Variants in CHKA observed in about 807,000 individuals in gnomAD.
CHKA encodes CHETK-alpha.
A neutral mutation model predicts 60.1 loss-of-function variants in CHKA; 34 were observed. The observed-to-expected ratio is 0.57, with a 90% CI of 0.43 to 0.75. CHKA has a LOEUF of 0.75. Ranked by LOEUF, CHKA falls within the 30% of genes least tolerant of loss-of-function variation. CHKA has a pLI of 0.00. For missense variants in CHKA, 563 were observed against 561.3 expected (o/e 1.00, Z -0.03); for synonymous variants, 217 against 223.1 (o/e 0.97, Z 0.24).
chr11:68,084,304 G>A (rs1487158514), intron 2 of CHKA, among the ~76,000 whole-genome samples: 1 of 139,752 alleles, frequency 7.2e-6, no homozygotes, highest in African/African-American at 2.6e-5. Flanking sequence ...ACGTATATGT[G>A]TATATACATG....
chr11:68,054,393 C>G (rs1012352194), intron 11 of CHKA, among the ~76,000 whole-genome samples: 2 of 152,188 alleles, frequency 1.3e-5, no homozygotes, highest in South Asian at 2.1e-4. Flanking sequence ...ACTGACTGAC[C>G]GACATAACAC....
intron 1 of CHKA, among the ~76,000 whole-genome samples, chr11:68,105,529 A>G: frequency 6.6e-6 from 1 of 151,124 alleles, no homozygotes; most frequent in Non-Finnish European, 1.5e-5. Context: ...AAAAAAAAAA[A>G]AAAAAAAAAA....
At chr11:68,070,694 A>G in intron 5 of CHKA, 30 bp downstream of exon 5, 2 of 1,603,818 alleles carry the variant, frequency 1.2e-6, no homozygotes, top group Non-Finnish European at 1.7e-6. Context: ...CTGTAAAACT[A>G]TGTTAGGACC....
At chr11:68,106,813 C>T (rs985792846) in intron 1 of CHKA, among the ~76,000 whole-genome samples, 19 of 152,200 alleles carry the variant, frequency 1.2e-4, no homozygotes, top group Non-Finnish European at 2.2e-4. Flanking sequence ...TACTCCAGCA[C>T]GGCTCAGCCT....
Position 68,081,457 on chromosome 11 carries a change from T to A in CHKA, c.463A>T (p.Arg155Trp), listed in dbSNP as rs375117963. Residue 155 changes from arginine (R) to tryptophan (W), a missense_variant and splice_region_variant, in exon 3 of 12, where the codon AGG (arginine) becomes TGG (tryptophan). Physicochemically the swap from Arg to Trp is moderately radical, Grantham distance 101. Coordinates refer to ENST00000265689, the MANE Select transcript of CHKA (RefSeq NM_001277.3). The part of the protein sequence containing the change: ...LRLYGAILQM[R>W]SCNKEGSEQA... ...TCGGATCCCTCTTTATTACAGGACCTCTATGAATGAGAAAAAGGAAACACT... is the reference window on the plus strand; with the variant it reads ...TCGGATCCCTCTTTATTACAGGACCACTATGAATGAGAAAAAGGAAACACT... The A allele has an allele frequency of 1.2e-6, 2 of 1,612,430 alleles. No homozygotes were observed. Among genetic ancestry groups the A allele is most frequent in the Admixed American group, 3.3e-5 (2 of 59,996 alleles).
chr11:68,095,402 CAAAAAAAAAAAA>C (rs35029853), intron 2 of CHKA, among the ~76,000 whole-genome samples: 9 of 12,502 alleles, frequency 7.2e-4, no homozygotes, highest in South Asian at 8.5e-3. Flanking sequence ...GACTCCATCT[CAAAAAAAAAAAA>C]AAAAAAAAAA....
chr11:68,100,647 C>T (rs1857678995), intron 1 of CHKA, among the ~76,000 whole-genome samples: 1 of 149,468 alleles, frequency 6.7e-6, no homozygotes, highest in Non-Finnish European at 1.5e-5. Context: ...AAGAGCGAAA[C>T]ATCATCTCCA....
intron 4 of CHKA, among the ~76,000 whole-genome samples, chr11:68,071,644 C>T (rs189624031): frequency 2.1e-4 from 32 of 152,356 alleles, no homozygotes; most frequent in Non-Finnish European, 4.1e-4. Context: ...AGAGTGAATG[C>T]TCCCAACTCA....
chr11:68,070,697 T>C (rs1250053930), intron 5 of CHKA, 27 bp downstream of exon 5: 1 of 1,604,718 alleles, frequency 6.2e-7, no homozygotes, highest in Non-Finnish European at 8.5e-7. Context: ...TAAAACTATG[T>C]TAGGACCAAG....
At chr11:68,109,666 C>G (rs1391422957) in intron 1 of CHKA, among the ~76,000 whole-genome samples, 1 of 152,132 alleles carries the variant, frequency 6.6e-6, no homozygotes, top group Non-Finnish European at 1.5e-5. Flanking sequence ...CAAAAATCAA[C>G]AATAGGCTGG....
In CHKA at chr11:68,074,997, A is replaced by C. The variant is rs1856741575; in HGVS notation, c.517-167T>G. Among the ~76,000 whole-genome samples, 3 of 152,248 alleles carry C rather than the reference A, an allele frequency of 2.0e-5. No individual in the cohort carries two copies. In the South Asian group the frequency reaches 6.2e-4, roughly 31 times the overall value. ...TAAATATGAAGAAACAGAGGTTCCA[A>C]AGTCACACATCGTGTCATTTGCAGG... On this transcript the variant is annotated intron_variant, in intron 3 of 11. Coordinates refer to ENST00000265689, the MANE Select transcript of CHKA (RefSeq NM_001277.3).
chr11:68,057,729 C>T (rs1360866593), intron 11 of CHKA, among the ~76,000 whole-genome samples: 2 of 152,196 alleles, frequency 1.3e-5, no homozygotes, highest in Non-Finnish European at 2.9e-5. Context: ...GGCACAGAAT[C>T]AGGTTCAGTT....
At chr11:68,095,338 G>C (rs1857463525) in intron 2 of CHKA, among the ~76,000 whole-genome samples, 1 of 133,660 alleles carries the variant, frequency 7.5e-6, no homozygotes, top group African/African-American at 2.9e-5. Context: ...AGGAGGCGCA[G>C]CTTGCAGTGA....
intron 11 of CHKA, among the ~76,000 whole-genome samples, chr11:68,057,254 A>G (rs531577574): frequency 2.6e-5 from 4 of 152,256 alleles, no homozygotes; most frequent in African/African-American, 4.8e-5. Flanking sequence ...AACTTACTCT[A>G]TTTTTTCCTC....
chr11:68,103,624 A>T (rs77959064), intron 1 of CHKA, among the ~76,000 whole-genome samples: 1 of 152,068 alleles, frequency 6.6e-6, no homozygotes, highest in African/African-American at 2.4e-5. Flanking sequence ...AAAAAAAAAA[A>T]ATCCAGGCTT....
intron 10 of CHKA, among the ~76,000 whole-genome samples, chr11:68,062,484 C>A (rs530163676): frequency 6.6e-6 from 1 of 152,312 alleles, no homozygotes; most frequent in African/African-American, 2.4e-5. Context: ...CAAGAGAATT[C>A]TCAAATCCCA....
chr11:68,116,136 T>C (rs1310171454), intron 1 of CHKA, among the ~76,000 whole-genome samples: 1 of 152,186 alleles, frequency 6.6e-6, no homozygotes, highest in Non-Finnish European at 1.5e-5. Flanking sequence ...TGTTAGTGGG[T>C]CTGTGGAACG....
intron 1 of CHKA, among the ~76,000 whole-genome samples, chr11:68,103,683 G>A (rs977086993): frequency 2.0e-5 from 3 of 151,892 alleles, no homozygotes; most frequent in South Asian, 2.1e-4. Context: ...AGGCTGAGGC[G>A]GGCAGATCAC....
At chr11:68,117,373 A>G (rs1184542385) in intron 1 of CHKA, among the ~76,000 whole-genome samples, 1 of 152,228 alleles carries the variant, frequency 6.6e-6, no homozygotes, top group African/African-American at 2.4e-5. Context: ...TAAAACAGTA[A>G]TAACAAAAAG....
Sources: gnomAD v4.1 joint callset for allele counts (sites outside exome capture counted in the v4.1 genomes callset) on GRCh38, gnomAD v4.1.1 for gene constraint, MANE v1.5 for transcripts, NCBI Gene and HGNC (gene_info 2026-07-23, HGNC 2026-07-21) for gene names.